TENM2: variants seen among roughly 807,000 people sequenced by gnomAD.
TENM2 encodes teneurin transmembrane protein 2, also known as teneurin-2.
TENM2 carries 52 observed loss-of-function variants against 245.2 expected under a neutral mutation model. The observed-to-expected ratio is 0.21, with a 90% confidence interval of 0.17 to 0.27. The LOEUF is 0.27. TENM2 is among the 10% of genes least tolerant of loss of function. The probability of loss-of-function intolerance (pLI) is 1.00; values close to 1 mark genes in which losing one functional copy is unlikely to be tolerated. For missense variants in TENM2, 3,046 were observed against 3,666.8 expected, an observed-to-expected ratio of 0.83 and a Z score of 4.37; for synonymous variants, 1,363 against 1,438.9, an observed-to-expected ratio of 0.95 and a Z score of 1.19.
chr5:166,998,840 G>A, the TENM2 span, among the ~76,000 whole-genome samples: 3 of 152,084 alleles, frequency 2.0e-5, no homozygotes, highest in South Asian at 2.1e-4. Context: ...AAGCCTTTAC[G>A]TTTTAGAAAT....
chr5:167,335,036 A>G (rs1757674678), intron 1 of TENM2, among the ~76,000 whole-genome samples: 1 of 152,198 alleles, frequency 6.6e-6, no homozygotes, highest in Non-Finnish European at 1.5e-5. Flanking sequence ...CCATTCTCAC[A>G]TTGCTATGAA....
intron 2 of TENM2, among the ~76,000 whole-genome samples, chr5:167,833,962 C>A (rs564236778): frequency 6.6e-6 from 1 of 152,282 alleles, no homozygotes; most frequent in Non-Finnish European, 1.5e-5. Context: ...CCTCATTTTA[C>A]AAACACAAAC....
intron 2 of TENM2, among the ~76,000 whole-genome samples, chr5:167,775,119 C>T (rs1352771861): frequency 6.6e-6 from 1 of 152,126 alleles, no homozygotes; most frequent in African/African-American, 2.4e-5. Flanking sequence ...CAGGCGTGCA[C>T]CACCACACCC....
At chr5:167,166,147 A>T in the TENM2 span, among the ~76,000 whole-genome samples, 1 of 152,176 alleles carries the variant, frequency 6.6e-6, no homozygotes, top group Admixed American at 6.5e-5. Context: ...TCTTATTATT[A>T]TTTTTTAAAT....
chr5:166,979,309 C>A, the TENM2 span, among the ~76,000 whole-genome samples: 2 of 150,130 alleles, frequency 1.3e-5, no homozygotes, highest in Non-Finnish European at 3.0e-5. Flanking sequence ...TTGGGGAGTC[C>A]GGGGGGCGGG....
chr5:168,046,080 CCA>C (rs1217260667), intron 5 of TENM2, among the ~76,000 whole-genome samples: 2 of 151,992 alleles, frequency 1.3e-5, no homozygotes, highest in African/African-American at 2.4e-5. Flanking sequence ...GCAGACACAC[CCA>C]CACACACACG....
chr5:167,944,381 G>A (rs1315285323), intron 3 of TENM2, among the ~76,000 whole-genome samples: 2 of 151,394 alleles, frequency 1.3e-5, no homozygotes, highest in African/African-American at 4.9e-5. Flanking sequence ...GTTCTCAAAT[G>A]CCATCACCTA....
the TENM2 span, among the ~76,000 whole-genome samples, chr5:167,126,364 T>A: frequency 3.3e-5 from 5 of 152,282 alleles, no homozygotes; most frequent in South Asian, 4.1e-4. Context: ...TTCCAAATTC[T>A]CCCTCATTTC....
chr5:167,494,365 A>T (rs1768646780), intron 2 of TENM2, among the ~76,000 whole-genome samples: 2 of 152,182 alleles, frequency 1.3e-5, no homozygotes, highest in Admixed American at 1.3e-4. Context: ...AGGACAAAGA[A>T]CTTTGTCAGT....
At chr5:167,471,194 A>C (rs1767005651) in intron 2 of TENM2, among the ~76,000 whole-genome samples, 1 of 152,164 alleles carries the variant, frequency 6.6e-6, no homozygotes, top group Non-Finnish European at 1.5e-5. Context: ...CCATCTCTAC[A>C]TATTCATGAG....
chr5:167,167,492 C>T, the TENM2 span, among the ~76,000 whole-genome samples: 1 of 152,264 alleles, frequency 6.6e-6, no homozygotes, highest in East Asian at 1.9e-4. Context: ...CAAGCGTTTC[C>T]ACATTCTTCA....
At chr5:167,159,670 G>C in the TENM2 span, among the ~76,000 whole-genome samples, 1 of 152,104 alleles carries the variant, frequency 6.6e-6, no homozygotes, top group East Asian at 1.9e-4. Context: ...TGTCCAAACA[G>C]CACAGGTGTT....
intron 2 of TENM2, among the ~76,000 whole-genome samples, chr5:167,446,793 G>GCACACACACACA (rs34343283): frequency 1.1e-4 from 16 of 144,000 alleles, no homozygotes; most frequent in African/African-American, 2.6e-4. Context: ...TTTGAAACAC[G>GCACACACACACA]CACACACACA....
intron 5 of TENM2, among the ~76,000 whole-genome samples, chr5:168,033,570 T>C (rs1018266800): frequency 3.3e-5 from 5 of 152,298 alleles, no homozygotes; most frequent in African/African-American, 9.6e-5. Flanking sequence ...CTCAGTTAAT[T>C]GTAGTTTTTT....
intron 1 of TENM2, among the ~76,000 whole-genome samples, chr5:167,320,344 A>G (rs1756632996): frequency 6.6e-6 from 1 of 152,238 alleles, no homozygotes; most frequent in Non-Finnish European, 1.5e-5. Flanking sequence ...ACACTGAAAT[A>G]TAGTTAGGAC....
At chr5:168,228,007 C>T in exon 25 of TENM2, 1 of 1,613,896 alleles carries the variant, frequency 6.2e-7, no homozygotes. Context: ...CGGGCACCAT[C>T]ACCCCCACCA....
chr5:168,257,878 T>C (rs1206805477), intron 27 of TENM2, among the ~76,000 whole-genome samples: 1 of 152,076 alleles, frequency 6.6e-6, no homozygotes, highest in African/African-American at 2.4e-5. Flanking sequence ...CCTCCCAAAG[T>C]GTTGGAATTA....
At chr5:168,103,288 A>G (rs574696774) in intron 9 of TENM2, among the ~76,000 whole-genome samples, 1 of 152,186 alleles carries the variant, frequency 6.6e-6, no homozygotes, top group Non-Finnish European at 1.5e-5. Context: ...TACAGAGCGC[A>G]CCCAGCTTCC....
intron 5 of TENM2, among the ~76,000 whole-genome samples, chr5:168,044,982 C>T (rs978856329): frequency 4.7e-5 from 7 of 148,660 alleles, no homozygotes; most frequent in Non-Finnish European, 8.9e-5. Flanking sequence ...TCCCAAAAAA[C>T]AAGAGAAGGT....
Sources: gnomAD v4.1 joint callset for allele counts (sites outside exome capture counted in the v4.1 genomes callset) on GRCh38, gnomAD v4.1.1 for gene constraint, MANE v1.5 for transcripts, NCBI Gene and HGNC (gene_info 2026-07-23, HGNC 2026-07-21) for gene names.